ADGRL2: variants seen among roughly 807,000 people sequenced by gnomAD.
The protein encoded by ADGRL2 is calcium-independent alpha-latrotoxin receptor 2.
A neutral mutation model predicts 157.4 loss-of-function variants in ADGRL2; 44 were observed. The observed-to-expected ratio is 0.28, with a 90% CI of 0.22 to 0.36. The LOEUF is 0.36. Ranked by LOEUF, ADGRL2 falls within the 10% of genes least tolerant of loss-of-function variation. The pLI is 1.00. For missense variants in ADGRL2, 1,510 were observed against 1,768.9 expected (o/e 0.85, Z 2.63); for synonymous variants, 585 against 624.7 (o/e 0.94, Z 0.95).
At chr1:81,864,226 C>T (rs557554251) in intron 2 of ADGRL2, among the ~76,000 whole-genome samples, 2 of 152,210 alleles carry the variant, frequency 1.3e-5, no homozygotes, top group South Asian at 4.1e-4. Flanking sequence ...TTATAAGAGA[C>T]TCAGTGTGAG....
intron 5 of ADGRL2, chr1:81,942,709 T>C (rs1339592981): frequency 2.1e-6 from 1 of 481,554 alleles, no homozygotes; most frequent in Non-Finnish European, 3.8e-6. Flanking sequence ...AAAATTTAAA[T>C]TGTCAGACCA....
chr1:81,593,868 T>G (rs1009921992), intron 3 of ADGRL2, among the ~76,000 whole-genome samples: 1 of 152,190 alleles, frequency 6.6e-6, no homozygotes, highest in African/African-American at 2.4e-5. Context: ...GAGGCTCCAA[T>G]TTTTTGTAAG....
intron 2 of ADGRL2, among the ~76,000 whole-genome samples, chr1:81,560,965 T>A (rs1180538427): frequency 6.6e-6 from 1 of 152,138 alleles, no homozygotes; most frequent in Admixed American, 6.6e-5. Context: ...CCTTAGAGAT[T>A]TCAGTGAAGC....
At position 81,650,595 on chromosome 1, in the gene ADGRL2, A is replaced by G. The variant is rs577798581; in HGVS notation, c.-143+69615A>G. ...ATCTCAAAAAAAAAAAAAAAAAAAG[A>G]AAAAGAAAAGAAAAGAAAAATTGTC... On this transcript the variant is annotated intron_variant, in intron 3 of 24. Transcript: ENST00000370721. Among the ~76,000 whole-genome samples, 255 of 150,956 alleles carry G rather than the reference A, an allele frequency of 1.7e-3. 2 individuals are homozygous for G. The highest frequency in any genetic ancestry group is 6.0e-3 in the African/African-American group (249 of 41,190).
chr1:81,431,671 G>A (rs1570950320), intron 1 of ADGRL2, among the ~76,000 whole-genome samples: 1 of 152,302 alleles, frequency 6.6e-6, no homozygotes, highest in East Asian at 1.9e-4. Context: ...GATTGAAATG[G>A]GGATGGGAAG....
chr1:81,710,180 C>T (rs1044984197), intron 1 of ADGRL2, among the ~76,000 whole-genome samples: 1 of 152,210 alleles, frequency 6.6e-6, no homozygotes, highest in Non-Finnish European at 1.5e-5. Flanking sequence ...TTACTCATCA[C>T]TCATCCATCT....
chr1:81,389,013 A>C (rs1167849224), intron 1 of ADGRL2, among the ~76,000 whole-genome samples: 1 of 152,138 alleles, frequency 6.6e-6, no homozygotes, highest in African/African-American at 2.4e-5. Flanking sequence ...GAAATCAAAA[A>C]TACCCCTGTG....
Position 81,413,554 on chromosome 1 carries a change from C to A in ADGRL2, c.-301-31482C>A, listed in dbSNP as rs183203045. Among the ~76,000 whole-genome samples the A allele has an allele frequency of 1.0e-3, 157 of 152,144 alleles. 1 individual carries two copies. Among genetic ancestry groups the A allele is most frequent in the South Asian group, 7.9e-3 (38 of 4,828 alleles). On this transcript the variant is annotated intron_variant, in intron 1 of 24. Transcript: ENST00000370721. Reference sequence around the variant, plus strand: ...AAGAATGTAATTGCTAGAGACATTGCTCCATGAAAGATGTGAGGTTGTTTA... The same window carrying A: ...AAGAATGTAATTGCTAGAGACATTGATCCATGAAAGATGTGAGGTTGTTTA...
intron 1 of ADGRL2, among the ~76,000 whole-genome samples, chr1:81,702,019 C>A (rs1262600583): frequency 6.6e-6 from 1 of 152,106 alleles, no homozygotes; most frequent in Admixed American, 6.5e-5. Flanking sequence ...CAACCCTATT[C>A]TTGTGTAAGA....
At chr1:81,795,240 T>C (rs1432277977) in intron 2 of ADGRL2, among the ~76,000 whole-genome samples, 1 of 151,892 alleles carries the variant, frequency 6.6e-6, no homozygotes, top group Non-Finnish European at 1.5e-5. Flanking sequence ...ATTAGCCAGG[T>C]GTGGTGACAC....
intron 2 of ADGRL2, among the ~76,000 whole-genome samples, chr1:81,848,414 A>G (rs1007398394): frequency 6.6e-6 from 1 of 151,854 alleles, no homozygotes; most frequent in African/African-American, 2.4e-5. Context: ...TAAGGCCTGC[A>G]GATTGTTCCT....
chr1:81,490,057 G>C (rs1003698162), intron 2 of ADGRL2, among the ~76,000 whole-genome samples: 2 of 151,368 alleles, frequency 1.3e-5, no homozygotes, highest in East Asian at 3.9e-4. Flanking sequence ...AATTATAAAA[G>C]CTAATATTAT....
chr1:81,921,549 C>T (rs2094978921), intron 3 of ADGRL2, among the ~76,000 whole-genome samples: 3 of 152,182 alleles, frequency 2.0e-5, no homozygotes, highest in Admixed American at 6.6e-5. Flanking sequence ...ACAACATTTG[C>T]TGCTTCACAG....
At chr1:81,312,572 T>A (rs1455154934) in intron 1 of ADGRL2, among the ~76,000 whole-genome samples, 1 of 152,228 alleles carries the variant, frequency 6.6e-6, no homozygotes, top group African/African-American at 2.4e-5. Flanking sequence ...TTCTACCCAT[T>A]GAGGTACTCT....
At chr1:81,317,890 A>G (rs1158562141) in intron 1 of ADGRL2, among the ~76,000 whole-genome samples, 2 of 152,182 alleles carry the variant, frequency 1.3e-5, no homozygotes, top group African/African-American at 2.4e-5. Context: ...TTGTGTGTAT[A>G]TAGATGTGTG....
chr1:81,625,495 A>C (rs1435882046), intron 3 of ADGRL2, among the ~76,000 whole-genome samples: 1 of 152,112 alleles, frequency 6.6e-6, no homozygotes, highest in Non-Finnish European at 1.5e-5. Flanking sequence ...ATACTCTATC[A>C]TTTCTGTAAA....
intron 3 of ADGRL2, among the ~76,000 whole-genome samples, chr1:81,602,118 C>CAA (rs11448199): frequency 1.5e-4 from 22 of 151,286 alleles, no homozygotes; most frequent in Admixed American, 2.6e-4. Context: ...GCTACTTAAA[C>CAA]AAAAAAAAAT....
At chr1:81,595,718 T>C (rs2081217217) in intron 3 of ADGRL2, among the ~76,000 whole-genome samples, 1 of 152,252 alleles carries the variant, frequency 6.6e-6, no homozygotes, top group African/African-American at 2.4e-5. Context: ...GAGCCTGCGA[T>C]ATGAATGTAT....
intron 2 of ADGRL2, among the ~76,000 whole-genome samples, chr1:81,765,833 C>A (rs979744176): frequency 6.6e-6 from 1 of 151,990 alleles, no homozygotes; most frequent in Non-Finnish European, 1.5e-5. Context: ...TCAGCTATAG[C>A]CAATAGTCAT....
Sources: gnomAD v4.1 joint callset for allele counts (sites outside exome capture counted in the v4.1 genomes callset) on GRCh38, gnomAD v4.1.1 for gene constraint, MANE v1.5 for transcripts, NCBI Gene and HGNC (gene_info 2026-07-23, HGNC 2026-07-21) for gene names.